The following SIPA1L1 variants were observed in gnomAD, a reference collection of about 807,000 sequenced individuals.
SIPA1L1 encodes the protein signal-induced proliferation-associated 1-like protein 1.
In SIPA1L1, 26 loss-of-function variants were observed where a neutral mutation model predicts 162.7. The ratio of observed to expected loss-of-function variants is 0.16; its 90% CI spans 0.12 to 0.22. The LOEUF (loss-of-function observed/expected upper bound fraction) is 0.22, where lower values mean the gene tolerates loss of function less well. SIPA1L1 is among the 10% of genes least tolerant of loss of function. The pLI, the probability that SIPA1L1 is intolerant of heterozygous loss-of-function variation, is 1.00. For synonymous variants in SIPA1L1, 829 were observed against 837.4 expected (o/e 0.99, Z 0.17); for missense variants, 1,874 against 2,241.0 (o/e 0.84, Z 3.31).
intron 4 of SIPA1L1, among the ~76,000 whole-genome samples, chr14:71,561,703 T>C (rs2056808261): frequency 6.6e-6 from 1 of 152,236 alleles, no homozygotes; most frequent in African/African-American, 2.4e-5. Flanking sequence ...TTCTCCTGCC[T>C]CAGCCTCCCA....
chr14:71,716,087 C>T (rs1361058218), intron 17 of SIPA1L1, among the ~76,000 whole-genome samples: 2 of 152,094 alleles, frequency 1.3e-5, no homozygotes, highest in Non-Finnish European at 2.9e-5. Context: ...GACAATTTTT[C>T]TTTACTGCAG....
intron 7 of SIPA1L1, among the ~76,000 whole-genome samples, chr14:71,633,142 G>A (rs2040761085): frequency 7.0e-6 from 1 of 141,890 alleles, no homozygotes. Context: ...GTTATGTTAT[G>A]TTATGTTATG....
intron 4 of SIPA1L1, among the ~76,000 whole-genome samples, chr14:71,545,659 T>C (rs1277753348): frequency 6.6e-6 from 1 of 152,200 alleles, no homozygotes; most frequent in African/African-American, 2.4e-5. Context: ...TATTTGTTCC[T>C]TTTCCATCTT....
chr14:71,380,656 G>T, intron 2 of SIPA1L1, among the ~76,000 whole-genome samples: 1 of 152,204 alleles, frequency 6.6e-6, no homozygotes, highest in South Asian at 2.1e-4. Flanking sequence ...TCTATGCAAT[G>T]TCAGGGTTGG....
chr14:71,517,322 G>T (rs1157495098), intron 3 of SIPA1L1, among the ~76,000 whole-genome samples: 1 of 151,924 alleles, frequency 6.6e-6, no homozygotes, highest in Non-Finnish European at 1.5e-5. Context: ...ATTTTTTTTG[G>T]TTTATTACAA....
intron 12 of SIPA1L1, among the ~76,000 whole-genome samples, chr14:71,673,828 C>T (rs986358216): frequency 6.6e-6 from 1 of 152,162 alleles, no homozygotes; most frequent in African/African-American, 2.4e-5. Flanking sequence ...CTGCCCTACC[C>T]ACATACCCTG....
chr14:71,430,489 C>T (rs761675785), intron 2 of SIPA1L1, among the ~76,000 whole-genome samples: 20 of 152,154 alleles, frequency 1.3e-4, no homozygotes, highest in Non-Finnish European at 2.8e-4. Flanking sequence ...TCACTCTATT[C>T]ATCTAACAAA....
At chr14:71,528,692 G>A (rs1435017780) in intron 3 of SIPA1L1, 1 of 151,918 alleles carries the variant, frequency 6.6e-6, no homozygotes, top group South Asian at 2.1e-4. Context: ...TCCCCTTTTT[G>A]TTTCAGCTTT....
chr14:71,689,145 CA>C (rs749194529), intron 13 of SIPA1L1, among the ~76,000 whole-genome samples: 2 of 152,068 alleles, frequency 1.3e-5, no homozygotes, highest in African/African-American at 2.4e-5. Context: ...CCTTTAATAT[CA>C]AGGTCAGGAT....
rs145452796 is a variant in SIPA1L1, at chr14:71,730,107, G to A, written c.4667G>A (p.Arg1556Gln). The A allele has an allele frequency of 4.6e-5, 74 of 1,613,960 alleles. No homozygotes were observed. The highest frequency in any genetic ancestry group is 9.9e-5 in the South Asian group (9 of 91,074). ...CCTTTCCCCAGCACCCCCACCTCAC[G>A]GCGGGCCTTGCACAGAACACTGTCG... ...QSPFPSTPTS[R>Q]RALHRTLSDE... The change falls in exon 20 of 24, where the codon CGG (arginine) becomes CAG (glutamine). Residue 1556 changes from arginine to glutamine, a missense_variant. Arg to Gln is a conservative substitution (Grantham distance 43, BLOSUM62 1). Transcript: ENST00000381232.
intron 2 of SIPA1L1, among the ~76,000 whole-genome samples, chr14:71,504,116 A>G (rs767120598): frequency 2.0e-5 from 3 of 152,128 alleles, no homozygotes; most frequent in Admixed American, 1.3e-4. Context: ...TAAAAGTTTA[A>G]TATTTTTAAT....
intron 2 of SIPA1L1, among the ~76,000 whole-genome samples, chr14:71,495,508 G>T (rs886951633): frequency 1.3e-5 from 2 of 151,352 alleles, no homozygotes; most frequent in Non-Finnish European, 2.9e-5. Flanking sequence ...GGTAATTTTG[G>T]GGGGGATAAT....
chr14:71,341,216 T>A (rs888335474), intron 2 of SIPA1L1, among the ~76,000 whole-genome samples: 1 of 152,252 alleles, frequency 6.6e-6, no homozygotes, highest in Non-Finnish European at 1.5e-5. Context: ...GTGAAATAAA[T>A]GTAAATCTTC....
intron 2 of SIPA1L1, among the ~76,000 whole-genome samples, chr14:71,373,136 C>A (rs1489066601): frequency 6.6e-6 from 1 of 151,498 alleles, no homozygotes; most frequent in Admixed American, 6.6e-5. Flanking sequence ...ACGGTGAAAC[C>A]CCATGTCTAC....
At chr14:71,394,859 G>A (rs995600347) in intron 2 of SIPA1L1, among the ~76,000 whole-genome samples, 1 of 152,132 alleles carries the variant, frequency 6.6e-6, no homozygotes, top group African/African-American at 2.4e-5. Context: ...TGTGTGATTC[G>A]TTTTAATACT....
At chr14:71,444,774 C>T (rs1438483880) in intron 2 of SIPA1L1, among the ~76,000 whole-genome samples, 4 of 152,134 alleles carry the variant, frequency 2.6e-5, no homozygotes, top group African/African-American at 9.7e-5. Flanking sequence ...AGACTTTCTA[C>T]CTGCATACTG....
At chr14:71,646,087 C>T (rs1020530666) in intron 7 of SIPA1L1, among the ~76,000 whole-genome samples, 1 of 151,990 alleles carries the variant, frequency 6.6e-6, no homozygotes, top group Non-Finnish European at 1.5e-5. Flanking sequence ...ACATCTCTTT[C>T]TTCTGGTACA....
intron 12 of SIPA1L1, among the ~76,000 whole-genome samples, chr14:71,677,358 A>T (rs566123677): frequency 1.3e-5 from 2 of 152,302 alleles, no homozygotes; most frequent in South Asian, 4.1e-4. Flanking sequence ...AGTTCTTTGT[A>T]GATTCTGGAT....
At chr14:71,397,961 T>C (rs2041342959) in intron 2 of SIPA1L1, among the ~76,000 whole-genome samples, 1 of 151,904 alleles carries the variant, frequency 6.6e-6, no homozygotes. Context: ...TTTCTTTTTT[T>C]CTTGAAAGGT....
Sources: gnomAD v4.1 joint callset for allele counts (sites outside exome capture counted in the v4.1 genomes callset) on GRCh38, gnomAD v4.1.1 for gene constraint, MANE v1.5 for transcripts, NCBI Gene and HGNC (gene_info 2026-07-23, HGNC 2026-07-21) for gene names.